The following ANO10 variants were observed in gnomAD, a reference collection of about 807,000 sequenced individuals.
The protein encoded by ANO10 is anoctamin-10.
ANO10 carries 77 observed loss-of-function variants against 74.7 expected under a neutral mutation model. The ratio of observed to expected loss-of-function variants is 1.03; its 90% confidence interval spans 0.86 to 1.25. ANO10 has a LOEUF of 1.25. Ranked by LOEUF, ANO10 falls within the 50% of genes most tolerant of loss-of-function variation. The pLI, the probability that ANO10 is intolerant of heterozygous loss-of-function variation, is 0.00. For missense variants in ANO10, 721 were observed against 778.1 expected, an observed-to-expected ratio of 0.93 and a Z score of 0.87; for synonymous variants, 279 against 284.9, an observed-to-expected ratio of 0.98 and a Z score of 0.21.
intron 12 of ANO10, among the ~76,000 whole-genome samples, chr3:43,431,975 CCTTA>C (rs1017262087): frequency 1.3e-5 from 2 of 152,202 alleles, no homozygotes; most frequent in Non-Finnish European, 2.9e-5. Context: ...GATGGCAATG[CCTTA>C]CTGATTCTCT....
At position 43,555,456 on chromosome 3, in the gene ANO10, T is replaced by A. The variant is rs985357840; in HGVS notation, c.1490A>T (p.Asp497Val). 7 of 1,614,090 alleles carry A rather than the reference T, an allele frequency of 4.3e-6. No homozygotes were observed. The highest frequency in any genetic ancestry group is 5.9e-6 in the Non-Finnish European group (7 of 1,180,016). ...EMGTYLGTFDDYLELFLQFGY... is the reference protein window; with the variant it reads ...EMGTYLGTFDVYLELFLQFGY... ...AAACTGCAGGAATAACTCCAAGTAA[T>A]CATCAAAGGTGCCCTGAAAATATAA... The change falls in exon 10 of 13, where the codon GAT becomes GTT. Residue 497 changes from aspartate (D) to valine (V), a missense_variant. Asp to Val is a radical substitution (Grantham distance 152, BLOSUM62 -3). Transcript: ENST00000292246.
chr3:43,584,108 T>C (rs2081373306), intron 4 of ANO10, among the ~76,000 whole-genome samples: 2 of 152,194 alleles, frequency 1.3e-5, no homozygotes, highest in Admixed American at 1.3e-4. Context: ...TCTGAGGGCA[T>C]GAAAAGATCT....
intron 12 of ANO10, among the ~76,000 whole-genome samples, chr3:43,404,872 G>T (rs1249852496): frequency 1.7e-4 from 13 of 77,456 alleles, no homozygotes; most frequent in Non-Finnish European, 2.1e-4. Flanking sequence ...GCAAGAACCT[G>T]TCTCAAAAAA....
intron 1 of ANO10, among the ~76,000 whole-genome samples, chr3:43,684,243 A>G (rs1232087332): frequency 6.6e-6 from 1 of 152,226 alleles, no homozygotes; most frequent in East Asian, 1.9e-4. Context: ...AGAAAAAAAC[A>G]AACAACCCCA....
chr3:43,515,495 G>A (rs1189182857), intron 11 of ANO10, among the ~76,000 whole-genome samples: 4 of 151,484 alleles, frequency 2.6e-5, no homozygotes, highest in Non-Finnish European at 5.9e-5. Context: ...TGGATCTTGA[G>A]TTGGGGCTTG....
At chr3:43,621,261 C>A (rs1402730462) in intron 1 of ANO10, among the ~76,000 whole-genome samples, 1 of 152,140 alleles carries the variant, frequency 6.6e-6, no homozygotes. Flanking sequence ...TAGGGGAGAA[C>A]CCCATTCCAT....
At chr3:43,531,940 A>C (rs554612340) in intron 11 of ANO10, among the ~76,000 whole-genome samples, 105 of 151,752 alleles carry the variant, frequency 6.9e-4, no homozygotes, top group Admixed American at 5.2e-4. Flanking sequence ...GAAAGAGCCA[A>C]GAGCATTGTC....
At chr3:43,613,690 C>T (rs904902726) in intron 1 of ANO10, among the ~76,000 whole-genome samples, 2 of 151,946 alleles carry the variant, frequency 1.3e-5, no homozygotes, top group Non-Finnish European at 2.9e-5. Flanking sequence ...CTGGTGGGGG[C>T]GAATATTAAC....
Position 43,561,381 on chromosome 3 carries a change from T to C in ANO10, c.1315A>G (p.Thr439Ala), listed in dbSNP as rs1559701894. The C allele has an allele frequency of 6.2e-7, 1 of 1,614,018 alleles. No individual in the cohort carries two copies. The highest frequency in any genetic ancestry group is 8.5e-7 in the Non-Finnish European group (1 of 1,179,992). The stretch of plus-strand genomic sequence containing the variant: ...ATAATTTGGTTGAGGATCTGGGAGG[T>C]AATTAGGAGAGTGGCCAAGCTCTAA... ...LRQSLATLLI[T>A]SQILNQIMES... The change falls in exon 9 of 13, where the codon ACC becomes GCC. Residue 439 changes from threonine to alanine, a missense_variant. Transcript: ENST00000292246.
At chr3:43,674,142 C>T (rs2084092482) in intron 1 of ANO10, among the ~76,000 whole-genome samples, 2 of 152,072 alleles carry the variant, frequency 1.3e-5, no homozygotes, top group Non-Finnish European at 2.9e-5. Context: ...GTGGGATATT[C>T]ACCCATGAAT....
intron 1 of ANO10, among the ~76,000 whole-genome samples, chr3:43,685,983 C>G (rs973189653): frequency 6.6e-6 from 1 of 152,020 alleles, no homozygotes; most frequent in South Asian, 2.1e-4. Context: ...CGTTTGTGTC[C>G]CACTGAAGAA....
At chr3:43,681,175 G>A (rs142784740) in intron 1 of ANO10, among the ~76,000 whole-genome samples, 144 of 151,954 alleles carry the variant, frequency 9.5e-4, no homozygotes, top group African/African-American at 3.2e-3. Context: ...TATTATATTC[G>A]GGAAACCCAT....
intron 1 of ANO10, chr3:43,690,850 G>A (rs914121341): frequency 2.4e-6 from 2 of 835,002 alleles, no homozygotes; most frequent in African/African-American, 3.6e-5. Context: ...GCAAACGCGG[G>A]CGCGCCGCCG....
chr3:43,594,801 T>C (rs1490278065), intron 4 of ANO10, among the ~76,000 whole-genome samples: 1 of 151,940 alleles, frequency 6.6e-6, no homozygotes, highest in Non-Finnish European at 1.5e-5. Flanking sequence ...AAAAAACCCT[T>C]CAAAAAATCA....
At chr3:43,644,662 T>G (rs1421299640) in intron 1 of ANO10, among the ~76,000 whole-genome samples, 3 of 152,230 alleles carry the variant, frequency 2.0e-5, no homozygotes, top group African/African-American at 7.2e-5. Flanking sequence ...CCAGGAGATC[T>G]GAGCACAAGA....
chr3:43,372,425 C>T (rs530526355), intron 12 of ANO10, among the ~76,000 whole-genome samples: 2 of 152,350 alleles, frequency 1.3e-5, no homozygotes, highest in South Asian at 4.1e-4. Flanking sequence ...AGGTCCCTAC[C>T]ATGCTGGGGA....
At chr3:43,466,215 C>A (rs375739430) in intron 11 of ANO10, among the ~76,000 whole-genome samples, 28 of 151,424 alleles carry the variant, frequency 1.8e-4, no homozygotes, top group African/African-American at 6.1e-4. Context: ...TACTAAAATA[C>A]AAAAAATTAG....
chr3:43,523,830 C>A (rs955332937), intron 11 of ANO10, among the ~76,000 whole-genome samples: 9 of 152,176 alleles, frequency 5.9e-5, no homozygotes, highest in Admixed American at 3.9e-4. Flanking sequence ...CACCCAGGGG[C>A]TACAGAGGAA....
At chr3:43,469,822 T>G (rs142406217) in intron 11 of ANO10, among the ~76,000 whole-genome samples, 94 of 152,304 alleles carry the variant, frequency 6.2e-4, no homozygotes, top group African/African-American at 2.2e-3. Flanking sequence ...CACAAACATA[T>G]ATTTTAAATA....
Sources: gnomAD v4.1 joint callset for allele counts (sites outside exome capture counted in the v4.1 genomes callset) on GRCh38, gnomAD v4.1.1 for gene constraint, MANE v1.5 for transcripts, NCBI Gene and HGNC (gene_info 2026-07-23, HGNC 2026-07-21) for gene names.